The following DMD variants were observed in gnomAD, a reference collection of about 807,000 sequenced individuals.
The protein encoded by DMD is mutant dystrophin.
Under a neutral mutation model 330.1 loss-of-function variants are expected in DMD, and 63 were observed. The observed-to-expected ratio is 0.19, with a 90% confidence interval of 0.16 to 0.24. The LOEUF is 0.24. DMD is among the 10% of genes least tolerant of loss of function. DMD has a pLI of 1.00. For missense variants in DMD, 3,344 were observed against 2,684.1 expected, an observed-to-expected ratio of 1.25 and a Z score of -5.43; for synonymous variants, 1,223 against 959.8, an observed-to-expected ratio of 1.27 and a Z score of -5.07.
chrX:33,141,870 C>A (rs1380030914), intron 1 of DMD, among the ~76,000 whole-genome samples: 1 of 111,757 alleles, frequency 8.9e-6, no homozygotes, highest in East Asian at 2.8e-4. Context: ...TGACTCACAG[C>A]AGAGGAAATT....
At chrX:32,989,787 A>G (rs914600912) in intron 2 of DMD, among the ~76,000 whole-genome samples, 6 of 111,253 alleles carry the variant, frequency 5.4e-5, no homozygotes, top group Non-Finnish European at 1.1e-4. Flanking sequence ...ATAGAGTCCA[A>G]TTTGACTTTA....
At chrX:31,513,613 T>C (rs1163003343) in intron 55 of DMD, among the ~76,000 whole-genome samples, 2 of 112,002 alleles carry the variant, frequency 1.8e-5, no homozygotes, top group Non-Finnish European at 3.8e-5. Context: ...CTGCATTCAC[T>C]GTATGCTCTC....
At chrX:33,071,189 C>T (rs758573390) in intron 1 of DMD, among the ~76,000 whole-genome samples, 1 of 111,090 alleles carries the variant, frequency 9.0e-6, no homozygotes, top group Admixed American at 9.6e-5. Context: ...TGGTGGCTCA[C>T]ACCTGTAATC....
intron 55 of DMD, among the ~76,000 whole-genome samples, chrX:31,620,523 T>C (rs2078468129): frequency 9.2e-6 from 1 of 108,351 alleles, no homozygotes; most frequent in South Asian, 4.1e-4. Context: ...CAAGCGATTC[T>C]CCTGCCTCTG....
chrX:31,223,542 C>A (rs2046306121), intron 63 of DMD, among the ~76,000 whole-genome samples: 1 of 112,674 alleles, frequency 8.9e-6, no homozygotes, highest in Non-Finnish European at 1.9e-5. Context: ...GGCAATATAA[C>A]ATTTTTTCTG....
At chrX:31,712,750 C>T (rs1339714652) in intron 52 of DMD, among the ~76,000 whole-genome samples, 1 of 110,963 alleles carries the variant, frequency 9.0e-6, no homozygotes, top group Non-Finnish European at 1.9e-5. Context: ...ACTTTATCTG[C>T]CTTTGGTTCT....
chrX:31,718,592 C>T (rs1440295755), intron 52 of DMD, among the ~76,000 whole-genome samples: 1 of 110,700 alleles, frequency 9.0e-6, no homozygotes, highest in Non-Finnish European at 1.9e-5. Flanking sequence ...TTAAGAAGAG[C>T]AAGAAGAGAG....
chrX:32,698,096 T>G, intron 8 of DMD, 98 bp from the exon 9 acceptor site: 1 of 904,237 alleles, frequency 1.1e-6, no homozygotes, highest in Non-Finnish European at 1.5e-6. Context: ...AACAGAACAT[T>G]AAATGGAAAT....
chrX:31,496,756 T>G (rs1160566743), intron 57 of DMD, 32 bp downstream of exon 57: 1 of 1,208,503 alleles, frequency 8.3e-7, no homozygotes, highest in African/African-American at 1.7e-5. Context: ...GTGCTTAACA[T>G]GTGCAAGGCA....
At chrX:31,528,476 G>A (rs2073418413) in intron 55 of DMD, among the ~76,000 whole-genome samples, 1 of 112,111 alleles carries the variant, frequency 8.9e-6, no homozygotes, top group African/African-American at 3.2e-5. Flanking sequence ...GAGGGGTGGA[G>A]GGATACTAAG....
At chrX:33,283,529 G>GA (rs200188158) in intron 1 of DMD, among the ~76,000 whole-genome samples, 143 of 78,501 alleles carry the variant, frequency 1.8e-3, no homozygotes, top group African/African-American at 2.7e-3. Flanking sequence ...TGGTCTCAAA[G>GA]AAAAAAAAAA....
rs1474370099 is a variant in DMD, at chrX:31,658,109, A to G, written c.7908T>C (p.Asn2636=). Residue 2636 remains asparagine, a synonymous_variant, in exon 54 of 79, where the codon AAT becomes AAC. Coordinates refer to ENST00000357033, the MANE Select transcript of DMD (RefSeq NM_004006.3). The part of the protein sequence containing the change: ...LAKDLRQWQT[N]VDVANDLALK... ...GGGCCAAGTCATTTGCCACATCTAC[A>G]TTTGTCTGCCACTGGCGGAGGTCTT... is the stretch of plus-strand genomic sequence containing the variant. 1 of 1,211,713 alleles carries G rather than the reference A, an allele frequency of 8.3e-7. No individual in the cohort carries two copies. The highest frequency in any genetic ancestry group is 2.2e-5 in the Admixed American group (1 of 46,035).
chrX:32,693,718 G>A (rs749038619), intron 9 of DMD, among the ~76,000 whole-genome samples: 5 of 112,120 alleles, frequency 4.5e-5, no homozygotes, highest in African/African-American at 1.6e-4. Context: ...GGGATTACAG[G>A]CATGAGCCAC....
At chrX:32,752,632 G>A (rs920322148) in intron 7 of DMD, among the ~76,000 whole-genome samples, 1 of 107,531 alleles carries the variant, frequency 9.3e-6, no homozygotes, top group Non-Finnish European at 1.9e-5. Flanking sequence ...GGCAAGATTG[G>A]TTTTCAAATG....
chrX:32,615,665 C>T (rs1441178709), intron 11 of DMD, among the ~76,000 whole-genome samples: 2 of 111,431 alleles, frequency 1.8e-5, no homozygotes, highest in Non-Finnish European at 3.8e-5. Flanking sequence ...TTAATCATCA[C>T]ATTTAAACAC....
chrX:31,934,615 G>A (rs867918792), intron 45 of DMD, among the ~76,000 whole-genome samples: 3 of 111,291 alleles, frequency 2.7e-5, no homozygotes, highest in Middle Eastern at 4.6e-3. Flanking sequence ...AACCTATCCC[G>A]AATATAACAT....
chrX:31,444,738 G>C, intron 59 of DMD, 111 bp from the exon 60 acceptor site: 1 of 843,144 alleles, frequency 1.2e-6, no homozygotes, highest in Non-Finnish European at 1.7e-6. Context: ...TTTGCTCTAT[G>C]CTACGGTTTG....
At chrX:31,262,558 C>T (rs2050629501) in intron 62 of DMD, among the ~76,000 whole-genome samples, 1 of 112,497 alleles carries the variant, frequency 8.9e-6, no homozygotes, top group Admixed American at 9.4e-5. Flanking sequence ...AAAATGTTCA[C>T]TTGTGAAGTG....
chrX:31,790,986 A>G (rs972319263), intron 50 of DMD, among the ~76,000 whole-genome samples: 7 of 111,927 alleles, frequency 6.3e-5, no homozygotes, highest in African/African-American at 2.3e-4. Flanking sequence ...TGTCTACTAC[A>G]TGTTTGTGGG....
Sources: gnomAD v4.1 joint callset for allele counts (sites outside exome capture counted in the v4.1 genomes callset) on GRCh38, gnomAD v4.1.1 for gene constraint, MANE v1.5 for transcripts, NCBI Gene and HGNC (gene_info 2026-07-23, HGNC 2026-07-21) for gene names.